The following CTNNA2 variants were observed in gnomAD, a reference collection of about 807,000 sequenced individuals.
The protein encoded by CTNNA2 is catenin alpha-2.
A neutral mutation model predicts 101.0 loss-of-function variants in CTNNA2; 42 were observed. That is an observed-to-expected ratio of 0.42 (90% CI 0.32 to 0.54). CTNNA2 has a LOEUF of 0.54. Ranked by LOEUF, CTNNA2 falls within the 20% of genes least tolerant of loss-of-function variation. The pLI is 0.14. For missense variants in CTNNA2, 871 were observed against 1,223.1 expected (o/e 0.71, Z 4.29); for synonymous variants, 450 against 456.4 (o/e 0.99, Z 0.18).
At chr2:79,789,562 G>A (rs1192357725) in intron 3 of CTNNA2, among the ~76,000 whole-genome samples, 1 of 152,116 alleles carries the variant, frequency 6.6e-6, no homozygotes, top group African/African-American at 2.4e-5. Flanking sequence ...CTTGGGGACT[G>A]GGGAGAGGTG....
At chr2:79,496,082 T>C (rs1286552609) in intron 4 of CTNNA2, among the ~76,000 whole-genome samples, 1 of 152,176 alleles carries the variant, frequency 6.6e-6, no homozygotes, top group Non-Finnish European at 1.5e-5. Flanking sequence ...GTGGTGATAG[T>C]TGCTCAACTA....
At chr2:79,477,530 G>A (rs1671064094) in intron 4 of CTNNA2, among the ~76,000 whole-genome samples, 1 of 152,060 alleles carries the variant, frequency 6.6e-6, no homozygotes, top group African/African-American at 2.4e-5. Context: ...TGGTGTTTGT[G>A]GTTGTGTGTG....
intron 7 of CTNNA2, among the ~76,000 whole-genome samples, chr2:80,216,810 C>T (rs903695921): frequency 1.3e-5 from 2 of 150,760 alleles, no homozygotes; most frequent in African/African-American, 2.4e-5. Flanking sequence ...AATATTTCTC[C>T]GGGGCCTGAC....
chr2:79,626,360 GAA>G (rs1332872218), intron 1 of CTNNA2, among the ~76,000 whole-genome samples: 1 of 152,096 alleles, frequency 6.6e-6, no homozygotes, highest in Non-Finnish European at 1.5e-5. Context: ...GGTTAGCCAG[GAA>G]ACAGGACCAC....
At chr2:80,046,753 C>G (rs930849367) in intron 7 of CTNNA2, among the ~76,000 whole-genome samples, 1 of 152,156 alleles carries the variant, frequency 6.6e-6, no homozygotes, top group Non-Finnish European at 1.5e-5. Flanking sequence ...TCAGTAATAG[C>G]TGCACTTTAC....
chr2:79,398,863 GAAA>G (rs928112582), intron 4 of CTNNA2, among the ~76,000 whole-genome samples: 1 of 144,272 alleles, frequency 6.9e-6, no homozygotes, highest in African/African-American at 2.5e-5. Flanking sequence ...AAAAAAAAAA[GAAA>G]AAAAGTTGAA....
chr2:80,268,716 TG>T (rs1352361880), intron 7 of CTNNA2, among the ~76,000 whole-genome samples: 1 of 152,354 alleles, frequency 6.6e-6, no homozygotes, highest in Non-Finnish European at 1.5e-5. Flanking sequence ...GGTGTATTTA[TG>T]GTGCTCTGAA....
chr2:80,397,468 A>G (rs2149373930), intron 8 of CTNNA2, among the ~76,000 whole-genome samples: 1 of 152,134 alleles, frequency 6.6e-6, no homozygotes, highest in African/African-American at 2.4e-5. Flanking sequence ...CATGGGAGGG[A>G]CCTGGAAGGA....
rs1292314417 is a variant in CTNNA2, at chr2:79,539,729, G to C, written c.-6+26522G>C. Among the ~76,000 whole-genome samples the C allele has an allele frequency of 2.6e-5, 4 of 152,238 alleles. No homozygotes were observed. The East Asian group carries it at 7.7e-4, about 29-fold the overall frequency. ...ACCTCAAGCCTGTCAGTGTTTGAAA[G>C]ACTCTTGTGGACCAGAACTATCTGT... is the stretch of plus-strand genomic sequence containing the variant. On this transcript the variant is annotated intron_variant, in intron 1 of 18. Transcript: ENST00000402739.
chr2:80,630,612 G>C (rs1672184189), intron 18 of CTNNA2, among the ~76,000 whole-genome samples: 1 of 151,926 alleles, frequency 6.6e-6, no homozygotes. Context: ...ACTCCAGCCT[G>C]GCAACGGAGC....
At chr2:79,780,379 T>C (rs1043066913) in intron 3 of CTNNA2, among the ~76,000 whole-genome samples, 2 of 152,174 alleles carry the variant, frequency 1.3e-5, no homozygotes, top group African/African-American at 2.4e-5. Context: ...TTGTGAACAA[T>C]CACATTTGAC....
chr2:79,687,512 A>G, intron 2 of CTNNA2: 1 of 652,666 alleles, frequency 1.5e-6, no homozygotes, highest in South Asian at 1.8e-5. Flanking sequence ...CCCAGAGGGC[A>G]CACACTGGAA....
At chr2:80,138,445 T>C (rs1246310643) in intron 7 of CTNNA2, among the ~76,000 whole-genome samples, 1 of 152,120 alleles carries the variant, frequency 6.6e-6, no homozygotes, top group Non-Finnish European at 1.5e-5. Flanking sequence ...GTTATGATGA[T>C]TACATGTGTT....
At chr2:79,478,778 C>A (rs1365688691) in intron 4 of CTNNA2, among the ~76,000 whole-genome samples, 1 of 152,140 alleles carries the variant, frequency 6.6e-6, no homozygotes, top group Non-Finnish European at 1.5e-5. Flanking sequence ...CAGTTATATT[C>A]AACATCTCCC....
chr2:79,916,932 T>TTTTG (rs371024596), intron 7 of CTNNA2, among the ~76,000 whole-genome samples: 3 of 151,130 alleles, frequency 2.0e-5, no homozygotes, highest in African/African-American at 7.3e-5. Flanking sequence ...TTTTTTTGTT[T>TTTTG]TTTGTTTGTT....
chr2:79,209,975 G>GC (rs776263776), intron 2 of CTNNA2, among the ~76,000 whole-genome samples: 129 of 151,740 alleles, frequency 8.5e-4, no homozygotes, highest in African/African-American at 3.0e-3. Flanking sequence ...TGTTGGGGGG[G>GC]CGGGGGTGTG....
intron 3 of CTNNA2, among the ~76,000 whole-genome samples, chr2:79,792,215 G>A (rs887841228): frequency 5.3e-5 from 8 of 152,068 alleles, no homozygotes; most frequent in African/African-American, 1.7e-4. Flanking sequence ...TCTGCACATT[G>A]TGTGAGCAGA....
At chr2:80,247,444 T>C (rs892364003) in intron 7 of CTNNA2, among the ~76,000 whole-genome samples, 35 of 152,286 alleles carry the variant, frequency 2.3e-4, no homozygotes, top group African/African-American at 8.2e-4. Context: ...CCAGACCTCC[T>C]GTGTGAACCT....
At chr2:80,512,863 G>A (rs890085588) in intron 9 of CTNNA2, among the ~76,000 whole-genome samples, 12 of 151,420 alleles carry the variant, frequency 7.9e-5, no homozygotes, top group East Asian at 5.8e-4. Context: ...TATGCACTAT[G>A]GCCTTTTGGA....
Sources: gnomAD v4.1 joint callset for allele counts (sites outside exome capture counted in the v4.1 genomes callset) on GRCh38, gnomAD v4.1.1 for gene constraint, MANE v1.5 for transcripts, NCBI Gene and HGNC (gene_info 2026-07-23, HGNC 2026-07-21) for gene names.